The following PDE11A variants were observed in gnomAD, a reference collection of about 807,000 sequenced individuals.
The protein encoded by PDE11A is phosphodiesterase 11A.
Under a neutral mutation model 100.5 loss-of-function variants are expected in PDE11A, and 100 were observed. The ratio of observed to expected loss-of-function variants is 1.00; its 90% CI spans 0.85 to 1.18. The LOEUF is 1.18. Ranked by LOEUF, PDE11A falls within the 50% of genes most tolerant of loss-of-function variation. PDE11A has a pLI of 0.00. For synonymous variants in PDE11A, 381 were observed against 420.8 expected (o/e 0.91, Z 1.16); for missense variants, 1,141 against 1,152.6 (o/e 0.99, Z 0.15).
chr2:177,816,626 C>G (rs997708488), intron 9 of PDE11A, among the ~76,000 whole-genome samples: 2 of 152,128 alleles, frequency 1.3e-5, no homozygotes, highest in Non-Finnish European at 2.9e-5. Context: ...TATGAATGGG[C>G]TTCAAGGCAT....
chr2:177,904,268 C>G (rs914584598), intron 3 of PDE11A, among the ~76,000 whole-genome samples: 1 of 152,122 alleles, frequency 6.6e-6, no homozygotes, highest in Non-Finnish European at 1.5e-5. Context: ...AAAGAGCTCT[C>G]TAAGTGTTTC....
intron 2 of PDE11A, among the ~76,000 whole-genome samples, chr2:177,942,039 C>T (rs1390115408): frequency 1.3e-5 from 2 of 152,152 alleles, no homozygotes; most frequent in African/African-American, 4.8e-5. Context: ...GTAATGAGGG[C>T]CTTCCTTTCC....
At chr2:178,081,268 G>A (rs1050799658) in intron 2 of PDE11A, among the ~76,000 whole-genome samples, 7 of 152,006 alleles carry the variant, frequency 4.6e-5, no homozygotes, top group African/African-American at 1.5e-4. Context: ...ATAAATACAC[G>A]TTTTTGGCAC....
intron 2 of PDE11A, among the ~76,000 whole-genome samples, chr2:177,918,721 G>C (rs567359665): frequency 2.6e-5 from 4 of 152,268 alleles, no homozygotes; most frequent in Admixed American, 2.6e-4. Context: ...TTGCAAATCT[G>C]ATGTAAACTT....
intron 2 of PDE11A, among the ~76,000 whole-genome samples, chr2:178,080,222 T>C (rs561658838): frequency 6.6e-6 from 1 of 152,304 alleles, no homozygotes; most frequent in South Asian, 2.1e-4. Context: ...TTTGCCACAG[T>C]GCCTATGTCT....
At position 177,623,742 on chromosome 2, in the gene PDE11A, A is replaced by T. The variant is rs1443175069; in HGVS notation, c.*5665T>A. ...CAGCAAATACTTCATTACTTAATAA[A>T]AAAACACATTTGTGTACTAGCGTAT... On this transcript the variant is annotated 3_prime_UTR_variant, in exon 20 of 20. Transcript: ENST00000286063. 1 of 141,936 alleles carries T rather than the reference A, an allele frequency of 7.0e-6. No homozygotes were observed. Among genetic ancestry groups the T allele is most frequent in the Non-Finnish European group, 1.5e-5 (1 of 65,644 alleles). The allele number at this position is 141,936 out of a possible 1,614,324, so 8.8% of individuals were successfully genotyped here.
chr2:177,926,800 A>C (rs187175247), intron 2 of PDE11A: 1 of 151,938 alleles, frequency 6.6e-6, no homozygotes, highest in Admixed American at 6.6e-5. Flanking sequence ...TTTGGGGCCT[A>C]TGTACTTAAA....
At position 178,079,923 on chromosome 2, in the gene PDE11A, T is replaced by C. The variant is rs984164449; in HGVS notation, c.162+24379A>G. ...GTGATGTTTAACATTTTTCATATGT[T>C]TGTTGGGCACATGAATGTCTTCTTT... On this transcript the variant is annotated intron_variant, in intron 2 of 20. Transcript: ENST00000358450. 1.1e-4 allele frequency among the ~76,000 whole-genome samples: 16 copies of C among 152,324 alleles called. No individual in the cohort carries two copies. In the East Asian group the frequency reaches 3.1e-3, roughly 29 times the overall value.
chr2:177,950,943 A>C (rs1269860625), intron 2 of PDE11A, among the ~76,000 whole-genome samples: 1 of 152,062 alleles, frequency 6.6e-6, no homozygotes, highest in Non-Finnish European at 1.5e-5. Context: ...AAAAAAAAAG[A>C]AAATTGTTAA....
At chr2:178,036,182 G>A (rs549083870) in intron 1 of PDE11A, among the ~76,000 whole-genome samples, 9 of 152,260 alleles carry the variant, frequency 5.9e-5, no homozygotes, top group African/African-American at 1.9e-4. Flanking sequence ...AAAGTCTCAG[G>A]ATACAAAATC....
chr2:177,941,842 CT>C (rs2085349758), intron 2 of PDE11A, among the ~76,000 whole-genome samples: 1 of 152,172 alleles, frequency 6.6e-6, no homozygotes, highest in African/African-American at 2.4e-5. Flanking sequence ...GGCAGAAGCC[CT>C]GGATAACTTT....
At chr2:178,014,664 T>G (rs780991955) in intron 1 of PDE11A, among the ~76,000 whole-genome samples, 3 of 152,150 alleles carry the variant, frequency 2.0e-5, no homozygotes, top group Non-Finnish European at 2.9e-5. Context: ...TTTGCCATAG[T>G]AAATGAAGAG....
At chr2:177,635,587 T>G (rs1402722942) in intron 19 of PDE11A, among the ~76,000 whole-genome samples, 1 of 152,208 alleles carries the variant, frequency 6.6e-6, no homozygotes, top group Non-Finnish European at 1.5e-5. Context: ...AAGGAACACA[T>G]TCACATAGTT....
At chr2:177,697,259 T>C in intron 15 of PDE11A, 73 bp downstream of exon 15, 2 of 805,388 alleles carry the variant, frequency 2.5e-6, no homozygotes, top group East Asian at 4.9e-5. Flanking sequence ...ACAGGTAACC[T>C]CCAGTGTAGA....
At chr2:177,718,229 A>G (rs1219544679) in intron 12 of PDE11A, among the ~76,000 whole-genome samples, 1 of 152,220 alleles carries the variant, frequency 6.6e-6, no homozygotes, top group Non-Finnish European at 1.5e-5. Flanking sequence ...AACTGTTCTT[A>G]TCTTCCCATT....
chr2:178,051,334 C>T, intron 1 of PDE11A, among the ~76,000 whole-genome samples: 1 of 152,182 alleles, frequency 6.6e-6, no homozygotes, highest in Admixed American at 6.5e-5. Flanking sequence ...CCAGGCCTGC[C>T]TTACAAGAGC....
intron 9 of PDE11A, among the ~76,000 whole-genome samples, chr2:177,774,417 C>A (rs1438043): frequency 6.6e-6 from 1 of 152,218 alleles, no homozygotes; most frequent in African/African-American, 2.4e-5. Context: ...TGATGAATCT[C>A]CAATTGCCTT....
At chr2:177,690,767 T>C (rs2081030280) in intron 15 of PDE11A, among the ~76,000 whole-genome samples, 1 of 152,178 alleles carries the variant, frequency 6.6e-6, no homozygotes, top group Non-Finnish European at 1.5e-5. Flanking sequence ...AGGAAGCCGA[T>C]CTTAAAAGCA....
At chr2:177,708,797 T>C (rs2081317509) in intron 13 of PDE11A, among the ~76,000 whole-genome samples, 1 of 152,214 alleles carries the variant, frequency 6.6e-6, no homozygotes, top group South Asian at 2.1e-4. Flanking sequence ...CTCCCCCAAG[T>C]ACTGTCCATG....
Sources: allele counts gnomAD v4.1 joint callset (sites outside exome capture counted in the v4.1 genomes callset), GRCh38; gene constraint gnomAD v4.1.1; transcripts MANE v1.5; gene names NCBI Gene and HGNC (gene_info 2026-07-23, HGNC 2026-07-21).